Variants in MIGA1 observed in about 807,000 individuals in gnomAD.
MIGA1 encodes the protein mitoguardin 1, also known as family with sequence similarity 73, member A.
Under a neutral mutation model 82.0 loss-of-function variants are expected in MIGA1, and 58 were observed. The observed-to-expected ratio is 0.71, with a 90% CI of 0.57 to 0.88. The LOEUF (loss-of-function observed/expected upper bound fraction) is 0.88, where lower values mean the gene tolerates loss of function less well. Among genes scored for constraint, MIGA1 ranks in the 40% least tolerant of loss-of-function variants. MIGA1 has a pLI of 0.00. For synonymous variants in MIGA1, 249 were observed against 253.6 expected, an observed-to-expected ratio of 0.98 and a Z score of 0.17; for missense variants, 751 against 749.1, an observed-to-expected ratio of 1.00 and a Z score of -0.03.
At chr1:77,852,649 A>G (rs1051733772) in intron 8 of MIGA1, among the ~76,000 whole-genome samples, 3 of 152,252 alleles carry the variant, frequency 2.0e-5, no homozygotes, top group South Asian at 2.1e-4. Flanking sequence ...AGTTCCTGCT[A>G]ATTTAATCTC....
At chr1:77,868,868 C>T (rs893604183) in intron 14 of MIGA1, among the ~76,000 whole-genome samples, 1 of 151,880 alleles carries the variant, frequency 6.6e-6, no homozygotes, top group Admixed American at 6.6e-5. Flanking sequence ...GTTAACATGA[C>T]ATACTTTTGA....
At chr1:77,859,606 T>G (rs1025264620) in intron 10 of MIGA1, 6 of 489,134 alleles carry the variant, frequency 1.2e-5, no homozygotes, top group African/African-American at 1.1e-4. Context: ...CCCACGACAC[T>G]TTGTCAAAAC....
intron 5 of MIGA1, among the ~76,000 whole-genome samples, chr1:77,812,915 C>G (rs1266723976): frequency 6.6e-6 from 1 of 152,118 alleles, no homozygotes; most frequent in Non-Finnish European, 1.5e-5. Context: ...TTCAGGACAC[C>G]CTTTAAGGGA....
intron 2 of MIGA1, among the ~76,000 whole-genome samples, chr1:77,799,888 T>C (rs919332573): frequency 1.3e-5 from 2 of 152,094 alleles, no homozygotes; most frequent in Admixed American, 6.6e-5. Flanking sequence ...TCTTATTGAT[T>C]TCTGCTTTAA....
At chr1:77,812,015 C>G (rs994612754) in intron 5 of MIGA1, among the ~76,000 whole-genome samples, 1 of 152,184 alleles carries the variant, frequency 6.6e-6, no homozygotes, top group Admixed American at 6.5e-5. Context: ...GCCTGCATTT[C>G]ATTTTAAGAA....
intron 5 of MIGA1, among the ~76,000 whole-genome samples, chr1:77,809,279 C>T (rs557888458): frequency 1.3e-5 from 2 of 152,250 alleles, no homozygotes; most frequent in South Asian, 4.2e-4. Flanking sequence ...TTTCAATTCT[C>T]TTTATAAAAT....
intron 5 of MIGA1, among the ~76,000 whole-genome samples, chr1:77,807,706 C>T (rs1440209241): frequency 1.3e-5 from 2 of 152,204 alleles, no homozygotes; most frequent in Non-Finnish European, 2.9e-5. Flanking sequence ...TTCCTGGCCT[C>T]TTCCAGCTTT....
chr1:77,860,240 GA>G, intron 11 of MIGA1, 114 bp downstream of exon 11: 1 of 654,238 alleles, frequency 1.5e-6, no homozygotes, highest in Non-Finnish European at 2.7e-6. Context: ...GTGGATAGTT[GA>G]AAAGGGCATT....
At chr1:77,847,189 G>A in intron 8 of MIGA1, 1 of 1,305,810 alleles carries the variant, frequency 7.7e-7, no homozygotes, top group Admixed American at 1.7e-5. Flanking sequence ...AAAACCGTCA[G>A]TGTTTGGGAA....
In MIGA1 at chr1:77,869,294, G is replaced by T. The variant is rs575185183; in HGVS notation, c.1563+2903G>T. 7.8e-5 allele frequency among the ~76,000 whole-genome samples: 11 copies of T among 141,228 alleles called. No individual in the cohort carries two copies. The South Asian group carries it at 2.5e-3, about 32-fold the overall frequency. The allele number at this position is 141,228 out of a possible 152,430, so 92.7% of individuals were successfully genotyped here. A position where few individuals can be genotyped will look rare whatever the true frequency, so the allele number is the denominator to read the frequency against. ...AGATCAACAGGATCCCAAGGCAGAA[G>T]AATTTTTCTTAGTACAGAACAAAAT... On this transcript the variant is annotated intron_variant, in intron 14 of 15. Transcript: ENST00000370791.
intron 8 of MIGA1, among the ~76,000 whole-genome samples, chr1:77,852,637 T>G (rs1242119471): frequency 2.6e-5 from 4 of 152,174 alleles, no homozygotes; most frequent in African/African-American, 7.2e-5. Context: ...GGATTCTGGG[T>G]AAGTTCCTGC....
At chr1:77,811,734 A>G in intron 5 of MIGA1, 1 of 1,610,976 alleles carries the variant, frequency 6.2e-7, no homozygotes, top group Non-Finnish European at 8.5e-7. Context: ...CGCCTCTCCT[A>G]AAACTGGCGC....
At chr1:77,808,149 A>G (rs906864804) in intron 5 of MIGA1, among the ~76,000 whole-genome samples, 2 of 82,648 alleles carry the variant, frequency 2.4e-5, no homozygotes, top group African/African-American at 4.6e-5. Flanking sequence ...TTTTTTTTTT[A>G]TTATACTCTA....
chr1:77,838,218 G>A (rs1271121061), intron 7 of MIGA1, among the ~76,000 whole-genome samples: 11 of 152,118 alleles, frequency 7.2e-5, no homozygotes, highest in Admixed American at 7.2e-4. Context: ...ATCATGTACA[G>A]CAAAATGTAA....
intron 3 of MIGA1, 119 bp from the exon 4 acceptor site, chr1:77,803,151 G>A (rs1304924848): frequency 1.1e-5 from 5 of 456,004 alleles, no homozygotes; most frequent in Admixed American, 4.3e-5. Flanking sequence ...ACAAGTGAGT[G>A]ATGCATGTTT....
chr1:77,871,496 C>T (rs188535639), intron 14 of MIGA1, among the ~76,000 whole-genome samples: 7 of 150,928 alleles, frequency 4.6e-5, no homozygotes, highest in African/African-American at 7.3e-5. Context: ...AGTGAGACTC[C>T]GTCTCAGAAA....
At position 77,858,966 on chromosome 1, in the gene MIGA1, C is replaced by T. The variant is rs763720835; in HGVS notation, c.1025C>T (p.Thr342Ile). ...GCAGAACACAGAGAAGTACGGCATA[C>T]CTACAGCCTGGAGTCCCTTTGTCAC... is the stretch of plus-strand genomic sequence containing the variant. The change falls in exon 9 of 16, where the codon ACC becomes ATC. Residue 342 changes from threonine (T) to isoleucine (I), a missense_variant. Thr to Ile is a moderately conservative substitution (Grantham distance 89). Coordinates refer to ENST00000370791, the MANE Select transcript of MIGA1 (RefSeq NM_198549.4). 1.2e-6 allele frequency: 2 copies of T among 1,613,410 alleles called. No individual in the cohort carries two copies. The highest frequency in any genetic ancestry group is 1.7e-6 in the Non-Finnish European group (2 of 1,179,370).
chr1:77,824,983 C>CTTTT lies in MIGA1; in HGVS notation c.895+9772_895+9775dup, dbSNP rs11375207. Among the ~76,000 whole-genome samples, 153 of 103,112 alleles carry CTTTT rather than the reference C, an allele frequency of 1.5e-3. 1 individual carries two copies. The highest frequency in any genetic ancestry group is 2.2e-3 in the Admixed American group (17 of 7,682). The allele number at this position is 103,112 out of a possible 152,430, so 67.6% of individuals were successfully genotyped here. ...AACAATAGTTATTTGTTCTATTCCT[C>CTTTT]TTTTTTTTTTTTTTTTTTTTTTTGA... is the stretch of plus-strand genomic sequence containing the variant. On this transcript the variant is annotated intron_variant, in intron 7 of 15. Coordinates refer to ENST00000370791, the MANE Select transcript of MIGA1 (RefSeq NM_198549.4).
chr1:77,783,945 G>A (rs1682033977), intron 2 of MIGA1, among the ~76,000 whole-genome samples: 1 of 152,124 alleles, frequency 6.6e-6, no homozygotes, highest in South Asian at 2.1e-4. Flanking sequence ...ACTTTACTTA[G>A]CATAATGTCC....
Sources: gnomAD v4.1 joint callset for allele counts (sites outside exome capture counted in the v4.1 genomes callset) on GRCh38, gnomAD v4.1.1 for gene constraint, MANE v1.5 for transcripts, NCBI Gene and HGNC (gene_info 2026-07-23, HGNC 2026-07-21) for gene names.